The following TCHH variants were observed in gnomAD, a reference collection of about 807,000 sequenced individuals.
The protein encoded by TCHH is trichohyalin.
A neutral mutation model predicts 6.3 loss-of-function variants in TCHH; 6 were observed. The ratio of observed to expected loss-of-function variants is 0.95; its 90% CI spans 0.52 to 1.88. The LOEUF (loss-of-function observed/expected upper bound fraction) is 1.88. TCHH is among the 40% of genes most tolerant of loss of function. TCHH has a pLI of 0.01. For missense variants in TCHH, 2,920 were observed against 2,449.1 expected (o/e 1.19, Z -4.06); for synonymous variants, 1,087 against 963.6 (o/e 1.13, Z -2.37).
Position 152,109,877 on chromosome 1 carries a change from C to G in TCHH, c.3340G>C (p.Glu1114Gln). 1 of 1,605,394 alleles carries G rather than the reference C, an allele frequency of 6.2e-7. No individual in the cohort carries two copies. The highest frequency in any genetic ancestry group is 8.5e-7 in the Non-Finnish European group (1 of 1,177,450). ...QERERQCREE[E>Q]ELQQEEEQLL... is the part of the protein sequence containing the mutation. ...TGCTCTTCCTCCTGCTGCAGCTCCT[C>G]TTCCTCCCGACATTGCCTCTCCCGC... The change falls in exon 3 of 3, where the codon GAG (glutamate) becomes CAG (glutamine). Residue 1114 changes from glutamate to glutamine, a missense_variant. Coordinates refer to ENST00000614923, the MANE Select transcript of TCHH (RefSeq NM_007113.4).
In TCHH at chr1:152,113,894, A is replaced by C. The variant is rs573808408; in HGVS notation, c.138+49T>G. 7 of 1,593,704 alleles carry C rather than the reference A, an allele frequency of 4.4e-6. No homozygotes were observed. The South Asian group carries it at 8.0e-5, about 18-fold the overall frequency. ...CTTGCTCTGGTCTCCTCTGAGAATA[A>C]ATCTCATAGCCTCAAGTCAATAGAT... On this transcript the variant is annotated intron_variant, in intron 2 of 2. Coordinates refer to ENST00000614923, the MANE Select transcript of TCHH (RefSeq NM_007113.4).
At position 152,110,691 on chromosome 1, in the gene TCHH, C is replaced by T. The variant is rs763483612; in HGVS notation, c.2526G>A (p.Arg842=). Residue 842 remains arginine (R), a synonymous_variant, in exon 3 of 3, where the codon CGG becomes CGA. Transcript: ENST00000614923. ...CCTGGAGCTGTTGGGCACGCTCCCG[C>T]CGCTGGAGCTGCTCCTCTTCCTCCA... ...QFLEEEEQLQ[R]RERAQQLQEE... 1 of 1,612,858 alleles carries T rather than the reference C, an allele frequency of 6.2e-7. No individual in the cohort carries two copies. Among genetic ancestry groups the T allele is most frequent in the Admixed American group, 1.7e-5 (1 of 60,022 alleles).
rs757928120 is a variant in TCHH at position 152,113,965 on chromosome 1, C to G, written c.116G>C (p.Arg39Thr). The G allele has an allele frequency of 1.2e-6, 2 of 1,613,472 alleles. No individual in the cohort carries two copies. The highest frequency in any genetic ancestry group is 1.7e-6 in the Non-Finnish European group (2 of 1,179,796). Residue 39 changes from arginine to threonine, a missense_variant, in exon 2 of 3, where the codon AGG becomes ACG. By Grantham distance (71) the Arg-to-Thr change is moderately conservative (BLOSUM62 -1). Transcript: ENST00000614923. ...TACCCGAAGCACAGCTCCAAATTCC[C>G]TTTCAAGGAGGTTCTTCAGGTCTTT... ...TKKDLKNLLEREFGAVLRRPH... is the reference protein window; with the variant it reads ...TKKDLKNLLETEFGAVLRRPH...
chr1:152,106,836 C>T lies in TCHH; in HGVS notation c.*549G>A, dbSNP rs1658118891. The stretch of plus-strand genomic sequence containing the variant: ...ACAGGAAGTTTTTATGCAGAGGTCA[C>T]TCCCCCTGCACTATTCAAGGGTTAT... On this transcript the variant is annotated 3_prime_UTR_variant, in exon 3 of 3. Transcript: ENST00000614923. The T allele has an allele frequency of 6.6e-6, 1 of 152,348 alleles. No homozygotes were observed. Among genetic ancestry groups the T allele is most frequent in the African/African-American group, 2.4e-5 (1 of 41,562 alleles). 9.4% of individuals were successfully genotyped at this position (152,348 alleles called of 1,614,324 possible).
In TCHH at chr1:152,111,057, G is replaced by A. The variant is rs752693449; in HGVS notation, c.2160C>T (p.Tyr720=). The A allele has an allele frequency of 2.9e-5, 47 of 1,613,358 alleles. 1 individual carries two copies. In the Admixed American group the frequency reaches 7.5e-4, roughly 26 times the overall value. ...GCCCTTCCTGCTTGCGGGGCCTCGA[G>A]TAGACTTTGCTTTGCCGTGCGTCGG... is the stretch of plus-strand genomic sequence containing the variant. ...SEADARQSKV[Y]SRPRKQEGQR... Residue 720 remains tyrosine (Y), a synonymous_variant, in exon 3 of 3, where the codon TAC becomes TAT. Transcript: ENST00000614923.
Position 152,108,607 on chromosome 1 carries a change from T to A in TCHH, c.4610A>T (p.Glu1537Val), listed in dbSNP as rs770029205. The A allele has an allele frequency of 6.2e-6, 10 of 1,601,298 alleles. No individual in the cohort carries two copies. In the South Asian group the frequency reaches 8.8e-5, roughly 14 times the overall value. Residue 1537 changes from glutamate to valine, a missense_variant, in exon 3 of 3, where the codon GAA becomes GTA. Physicochemically the swap from Glu to Val is moderately radical, Grantham distance 121. Transcript: ENST00000614923. ...QQRQRKFLQE[E>V]QQLRRQERGQ... Reference sequence around the variant, plus strand: ...GCGCTCCTGGCGGCGCAGCTGCTGTTCCTCCTGGAGGAATTTTCTCTGCCG... The same window carrying A: ...GCGCTCCTGGCGGCGCAGCTGCTGTACCTCCTGGAGGAATTTTCTCTGCCG...
chr1:152,106,965 C>T lies in TCHH; in HGVS notation c.*420G>A, dbSNP rs149677437. 1.9e-3 allele frequency: 304 copies of T among 156,548 alleles called. 1 individual carries two copies. The highest frequency in any genetic ancestry group is 3.6e-3 in the Non-Finnish European group (256 of 70,964). The allele number at this position is 156,548 out of a possible 1,614,324, so 9.7% of individuals were successfully genotyped here. On this transcript the variant is annotated 3_prime_UTR_variant, in exon 3 of 3. Transcript: ENST00000614923. The stretch of plus-strand genomic sequence containing the variant: ...GTTCAAGAAGAAATAGCAACTTGAA[C>T]ATTAAAAGTATCTGCACTTTCCACA...
chr1:152,112,423 G>A lies in TCHH; in HGVS notation c.794C>T (p.Pro265Leu), dbSNP rs1376595222. ...KEEEKLQEEE[P>L]QRQRELQEEE... ...CTCCTGGAGCTCTCTTTGCCGCTGC[G>A]GCTCCTCTTCCTGCAACTTCTCTTC... is the stretch of plus-strand genomic sequence containing the variant. Residue 265 changes from proline (P) to leucine (L), a missense_variant, in exon 3 of 3, where the codon CCG (proline) becomes CTG (leucine). Transcript: ENST00000614923. The A allele has an allele frequency of 1.2e-6, 2 of 1,613,338 alleles. No individual in the cohort carries two copies. Among genetic ancestry groups the A allele is most frequent in the African/African-American group, 2.7e-5 (2 of 74,698 alleles).
At chr1:152,113,369 CA>C (rs1307821446) in intron 2 of TCHH, among the ~76,000 whole-genome samples, 1 of 152,202 alleles carries the variant, frequency 6.6e-6, no homozygotes, top group East Asian at 1.9e-4. Context: ...ACCTTAGAGG[CA>C]GAGCCTGAGG....
rs1178881761 is a variant in TCHH, at chr1:152,111,624, C to T, written c.1593G>A (p.Arg531=). 3 of 1,609,526 alleles carry T rather than the reference C, an allele frequency of 1.9e-6. No homozygotes were observed. The highest frequency in any genetic ancestry group is 2.7e-5 in the African/African-American group (2 of 73,734). Reference sequence around the variant, plus strand: ...GTCTTAGTTGTTGCTCGCTCCTCAACCGCTGCTGGAGCCTCTCTTCCTCCT... The same window carrying T: ...GTCTTAGTTGTTGCTCGCTCCTCAATCGCTGCTGGAGCCTCTCTTCCTCCT... The part of the protein sequence containing the change: ...RQEEEERLQQ[R]LRSEQQLRRE... The change falls in exon 3 of 3, where the codon CGG becomes CGA. Residue 531 remains arginine, a synonymous_variant. Coordinates refer to ENST00000614923, the MANE Select transcript of TCHH (RefSeq NM_007113.4).
At position 152,109,005 on chromosome 1, in the gene TCHH, G is replaced by A. The variant is rs375272944; in HGVS notation, c.4212C>T (p.Arg1404=). 10 of 1,601,636 alleles carry A rather than the reference G, an allele frequency of 6.2e-6. No individual in the cohort carries two copies. The highest frequency in any genetic ancestry group is 1.4e-5 in the African/African-American group (1 of 70,072). The change falls in exon 3 of 3, where the codon CGC becomes CGT. Residue 1404 remains arginine, a synonymous_variant. Transcript: ENST00000614923. ...CGCGGTCCTGACGCAGCTGTTGCTC[G>A]CGCTCCTGGCAGCGCAGCTGCTGTT... ...KEEQQLRCQE[R]EQQLRQDRDR...
In TCHH at chr1:152,107,703, C is replaced by T. The variant is rs369730040; in HGVS notation, c.5514G>A (p.Arg1838=). The T allele has an allele frequency of 2.8e-5, 46 of 1,614,096 alleles. No individual in the cohort carries two copies. Among genetic ancestry groups the T allele is most frequent in the Admixed American group, 1.3e-4 (8 of 60,016 alleles). ...LQLEEQEQRL[R]QERDRQYRAE... is the part of the protein sequence containing the mutation. ...CCCGGTACTGCCGGTCTCGCTCCTG[C>T]CGCAGCCTCTGCTCTTGTTCCTCAA... The change falls in exon 3 of 3, where the codon CGG becomes CGA. Residue 1838 remains arginine (R), a synonymous_variant. Coordinates refer to ENST00000614923, the MANE Select transcript of TCHH (RefSeq NM_007113.4).
chr1:152,111,223 T>A lies in TCHH; in HGVS notation c.1994A>T (p.Glu665Val). Residue 665 changes from glutamate (E) to valine (V), a missense_variant, in exon 3 of 3, where the codon GAA becomes GTA. Coordinates refer to ENST00000614923, the MANE Select transcript of TCHH (RefSeq NM_007113.4). ...CTTCAGCCGCTGCTCGAGCCTCTCT[T>A]CCTCCTCCTCGCGCTTCAGCCGCTG... The part of the protein sequence containing the change: ...REQRLKREEE[E>V]ERLEQRLKRE... 6.2e-7 allele frequency: 1 copy of A among 1,608,400 alleles called. No homozygotes were observed.
rs1658227335 is a variant in TCHH, at chr1:152,109,136, TTC to T, written c.4079_4080del (p.Arg1360LysfsTer34). ...TGGCGCAGTTCCTCTTCGCGGAATT[TTC>T]TGTCACGCTCTTGGCGGCGCAGCGG... ...EQPLRRQERD[R>X]KFREEELRHQ... On this transcript the variant is annotated frameshift_variant, in exon 3 of 3. Coordinates refer to ENST00000614923, the MANE Select transcript of TCHH (RefSeq NM_007113.4). LOFTEE classifies it low-confidence loss of function (END_TRUNC). The T allele has an allele frequency of 1.2e-6, 2 of 1,613,720 alleles. No individual in the cohort carries two copies. Among genetic ancestry groups the T allele is most frequent in the Non-Finnish European group, 1.7e-6 (2 of 1,179,756 alleles).
At chr1:152,114,579 A>T (rs1292130799) in intron 1 of TCHH, among the ~76,000 whole-genome samples, 1 of 152,262 alleles carries the variant, frequency 6.6e-6, no homozygotes, top group Non-Finnish European at 1.5e-5. Context: ...GGTAGAAAAT[A>T]GAACAATGAA....
chr1:152,113,910 G>A, intron 2 of TCHH, 33 bp downstream of exon 2: 1 of 1,601,042 alleles, frequency 6.2e-7, no homozygotes, highest in Non-Finnish European at 8.5e-7. Context: ...ATAGCCTCAA[G>A]TCAATAGATC....
In TCHH at chr1:152,112,622, G is replaced by C. The variant is rs1297640972; in HGVS notation, c.595C>G (p.His199Asp). The change falls in exon 3 of 3, where the codon CAC (histidine) becomes GAC (aspartate). Residue 199 changes from histidine to aspartate, a missense_variant. Coordinates refer to ENST00000614923, the MANE Select transcript of TCHH (RefSeq NM_007113.4). ...EEEQLQSCKG[H>D]ETEEFPDEEQ... ...TCGTCTGGAAACTCCTCAGTTTCGTGACCTTTGCAACTCTGCAGCTGCTCT... is the reference window on the plus strand; with the variant it reads ...TCGTCTGGAAACTCCTCAGTTTCGTCACCTTTGCAACTCTGCAGCTGCTCT... 2.5e-6 allele frequency: 4 copies of C among 1,613,774 alleles called. No individual in the cohort carries two copies.
chr1:152,114,611 C>T (rs1444111209), intron 1 of TCHH, among the ~76,000 whole-genome samples: 1 of 152,102 alleles, frequency 6.6e-6, no homozygotes. Flanking sequence ...AATGATTCCT[C>T]AACATTACAG....
chr1:152,111,319 A>G lies in TCHH; in HGVS notation c.1898T>C (p.Leu633Pro). The G allele has an allele frequency of 6.4e-7, 1 of 1,562,060 alleles. No homozygotes were observed. Among genetic ancestry groups the G allele is most frequent in the South Asian group, 1.1e-5 (1 of 89,460 alleles). The change falls in exon 3 of 3, where the codon CTG (leucine) becomes CCG (proline). Residue 633 changes from leucine to proline, a missense_variant. By Grantham distance (98) the Leu-to-Pro change is moderately conservative. Coordinates refer to ENST00000614923, the MANE Select transcript of TCHH (RefSeq NM_007113.4). ...EEPEEERRQQLLKSEEQEERR... is the reference protein window; with the variant it reads ...EEPEEERRQQPLKSEEQEERR... ...CTCCTCCTGCTCCTCGCTCTTCAGC[A>G]GCTGCTGGCGCCTCTCTTCCTCCGG...
Sources: allele counts gnomAD v4.1 joint callset (sites outside exome capture counted in the v4.1 genomes callset), GRCh38; gene constraint gnomAD v4.1.1; transcripts MANE v1.5; gene names NCBI Gene and HGNC (gene_info 2026-07-23, HGNC 2026-07-21).